Variants in PARP4 observed in about 807,000 individuals in gnomAD.
PARP4 encodes poly(ADP-ribose) polymerase family member 4, also known as protein mono-ADP-ribosyltransferase PARP4.
A neutral mutation model predicts 187.7 loss-of-function variants in PARP4; 120 were observed. That is an observed-to-expected ratio of 0.64 (90% CI 0.55 to 0.74). The LOEUF (loss-of-function observed/expected upper bound fraction) is 0.74. PARP4 is among the 30% of genes least tolerant of loss of function. The pLI, the probability that PARP4 is intolerant of heterozygous loss-of-function variation, is 0.00. For missense variants in PARP4, 1,836 were observed against 2,070.5 expected, an observed-to-expected ratio of 0.89 and a Z score of 2.20; for synonymous variants, 654 against 740.9, an observed-to-expected ratio of 0.88 and a Z score of 1.90.
intron 15 of PARP4, among the ~76,000 whole-genome samples, chr13:24,471,942 G>GT (rs1872743365): frequency 6.6e-6 from 1 of 152,164 alleles, no homozygotes; most frequent in Non-Finnish European, 1.5e-5. Context: ...AAAGAGTTAA[G>GT]TAACTTTCCC....
At chr13:24,487,926 A>AT (rs1868414767) in intron 10 of PARP4, among the ~76,000 whole-genome samples, 1 of 152,194 alleles carries the variant, frequency 6.6e-6, no homozygotes, top group Non-Finnish European at 1.5e-5. Flanking sequence ...ATTTTGAGTG[A>AT]TTTTTAATTT....
chr13:24,500,340 T>A lies in PARP4; in HGVS notation c.377A>T (p.Glu126Val), dbSNP rs1282638303. 1 of 1,602,754 alleles carries A rather than the reference T, an allele frequency of 6.2e-7. No individual in the cohort carries two copies. Among genetic ancestry groups the A allele is most frequent in the South Asian group, 1.1e-5 (1 of 89,900 alleles). The change falls in exon 4 of 34, where the codon GAG (glutamate) becomes GTG (valine). Residue 126 changes from glutamate to valine, a missense_variant. Transcript: ENST00000381989. ...EGLCPDSATE[E>V]EDTVELTEFG... ...CTCAGTGAGTTCCACAGTGTCTTCCTCCTCTGTGGCACTGTCCGGGCATAG... is the reference window on the plus strand; with the variant it reads ...CTCAGTGAGTTCCACAGTGTCTTCCACCTCTGTGGCACTGTCCGGGCATAG...
At chr13:24,470,783 T>C (rs999518167) in intron 15 of PARP4, among the ~76,000 whole-genome samples, 8 of 152,066 alleles carry the variant, frequency 5.3e-5, no homozygotes, top group African/African-American at 9.7e-5. Flanking sequence ...TTTGAAAACA[T>C]TGTCCACACC....
At chr13:24,507,633 G>A (rs866233486) in intron 1 of PARP4, among the ~76,000 whole-genome samples, 15 of 152,162 alleles carry the variant, frequency 9.9e-5, no homozygotes, top group South Asian at 2.1e-4. Context: ...CCATGCCCTC[G>A]CATCCTGACT....
At chr13:24,428,913 TTCTA>T (rs1870194592) in intron 32 of PARP4, among the ~76,000 whole-genome samples, 1 of 152,248 alleles carries the variant, frequency 6.6e-6, no homozygotes, top group African/African-American at 2.4e-5. Flanking sequence ...TCAAATATTT[TTCTA>T]TCTAACCTTT....
chr13:24,508,633 C>G (rs148943036), intron 1 of PARP4, among the ~76,000 whole-genome samples: 3,790 of 152,254 alleles, frequency 0.025, 91 homozygotes, highest in African/African-American at 0.067. Flanking sequence ...CCTGCATCAG[C>G]CTCCCGAGTA....
chr13:24,462,747 T>G (rs569302718), intron 17 of PARP4, among the ~76,000 whole-genome samples: 1 of 152,304 alleles, frequency 6.6e-6, no homozygotes, highest in Non-Finnish European at 1.5e-5. Flanking sequence ...AACAAACACA[T>G]TATCAAAGTT....
At chr13:24,426,073 T>C (rs1234185613) in intron 33 of PARP4, among the ~76,000 whole-genome samples, 1 of 152,210 alleles carries the variant, frequency 6.6e-6, no homozygotes, top group African/African-American at 2.4e-5. Context: ...TACAAAGTTA[T>C]AAACTTTAAA....
At chr13:24,500,184 A>G (rs1869194067) in intron 4 of PARP4, 132 bp downstream of exon 4, 1 of 438,160 alleles carries the variant, frequency 2.3e-6, no homozygotes, top group Non-Finnish European at 4.1e-6. Flanking sequence ...ATAAAAAATC[A>G]CTTGAGTTAG....
intron 8 of PARP4, 72 bp downstream of exon 8, chr13:24,493,524 C>T (rs192479473): frequency 4.0e-5 from 57 of 1,431,822 alleles, no homozygotes; most frequent in Admixed American, 2.1e-4. Flanking sequence ...TGCAAACACA[C>T]GTGTTATTGC....
chr13:24,426,891 CAAAAA>C lies in PARP4; in HGVS notation c.4847-298_4847-294del, dbSNP rs5802279. Among the ~76,000 whole-genome samples the C allele has an allele frequency of 1.4e-3, 133 of 93,580 alleles. 2 individuals are homozygous for C. The highest frequency in any genetic ancestry group is 4.4e-3 in the African/African-American group (117 of 26,420). 61.4% of individuals were successfully genotyped at this position (93,580 alleles called of 152,430 possible). A position where few individuals can be genotyped will look rare whatever the true frequency, so the allele number is the denominator to read the frequency against. ...TGGGCGACAGAGTGAGACTCTGTCTCAAAAAAAAAAAAAAAAAAAAAAAAAAGAAT... is the reference window on the plus strand; with the variant it reads ...TGGGCGACAGAGTGAGACTCTGTCTCAAAAAAAAAAAAAAAAAAAAAGAAT... On this transcript the variant is annotated intron_variant, in intron 32 of 33. Transcript: ENST00000381989.
At position 24,431,373 on chromosome 13, in the gene PARP4, T is replaced by G; in HGVS notation, c.4846+4A>C. On this transcript the variant is annotated splice_donor_region_variant and intron_variant, in intron 32 of 33. Coordinates refer to ENST00000381989, the MANE Select transcript of PARP4 (RefSeq NM_006437.4). ...ACTTAATAAATGGAAACATAGTGCC[T>G]TACCTAGAGATTGAATGCCTTTTTG... 1 of 1,504,498 alleles carries G rather than the reference T, an allele frequency of 6.6e-7. No individual in the cohort carries two copies. The highest frequency in any genetic ancestry group is 9.1e-7 in the Non-Finnish European group (1 of 1,096,970). The allele number at this position is 1,504,498 out of a possible 1,614,324, so 93.2% of individuals were successfully genotyped here.
Position 24,478,214 on chromosome 13 carries a change from T to G in PARP4, c.1511A>C (p.Asp504Ala), listed in dbSNP as rs771457509. ...TDGTRLLLIC[D>A]VALGKCMDLH... is the part of the protein sequence containing the mutation. Reference sequence around the variant, plus strand: ...GTCCATACACTTTCCGAGGGCTACGTCACAAATGAGCAGGAGTCTGGTGCC... The same window carrying G: ...GTCCATACACTTTCCGAGGGCTACGGCACAAATGAGCAGGAGTCTGGTGCC... Residue 504 changes from aspartate to alanine, a missense_variant, in exon 13 of 34, where the codon GAC (aspartate) becomes GCC (alanine). Around this residue, in one of 8 missense-constraint regions of PARP4, gnomAD observed 1,147 missense variants for 1,214.2 expected, o/e 0.94. Transcript: ENST00000381989. 1 of 1,613,606 alleles carries G rather than the reference T, an allele frequency of 6.2e-7. No individual in the cohort carries two copies.
chr13:24,425,680 A>G (rs1682530592), intron 33 of PARP4, among the ~76,000 whole-genome samples: 1 of 151,882 alleles, frequency 6.6e-6, no homozygotes, highest in Non-Finnish European at 1.5e-5. Context: ...GGACAAGAGA[A>G]TATGCCCACC....
At chr13:24,487,660 CTG>C (rs554925063) in intron 10 of PARP4, among the ~76,000 whole-genome samples, 153 of 152,224 alleles carry the variant, frequency 1.0e-3, no homozygotes, top group African/African-American at 3.6e-3. Context: ...CTGAGGGCAG[CTG>C]TGGTGGGAGG....
intron 31 of PARP4, among the ~76,000 whole-genome samples, chr13:24,432,409 A>G (rs1462061370): frequency 6.6e-6 from 1 of 152,192 alleles, no homozygotes; most frequent in African/African-American, 2.4e-5. Flanking sequence ...AAAGTCACCA[A>G]CATTTAACGT....
intron 12 of PARP4, among the ~76,000 whole-genome samples, chr13:24,480,409 T>C (rs1485067801): frequency 6.6e-6 from 1 of 152,206 alleles, no homozygotes; most frequent in African/African-American, 2.4e-5. Context: ...GAAAGGGTTG[T>C]ACATCTTTCA....
Position 24,500,364 on chromosome 13 carries a change from A to T in PARP4, c.353T>A (p.Leu118Gln). 6.2e-7 allele frequency: 1 copy of T among 1,603,156 alleles called. No individual in the cohort carries two copies. The change falls in exon 4 of 34, where the codon CTA becomes CAA. Residue 118 changes from leucine to glutamine, a missense_variant. Leu to Gln is a moderately radical substitution (Grantham distance 113, BLOSUM62 -2). This residue lies in a region of PARP4 where 1,147 missense variants were observed against 1,214.2 expected (regional missense o/e 0.94). Transcript: ENST00000381989. The stretch of plus-strand genomic sequence containing the variant: ...CTCCTCTGTGGCACTGTCCGGGCAT[A>T]GACCTTCTGTTTTCACTTCTAGAAT... Reference protein sequence around the residue: ...ASSSEVKTEGLCPDSATEEED... With the variant: ...ASSSEVKTEGQCPDSATEEED...
At chr13:24,506,331 CA>C (rs1472199544) in intron 1 of PARP4, among the ~76,000 whole-genome samples, 13 of 152,264 alleles carry the variant, frequency 8.5e-5, no homozygotes, top group African/African-American at 3.1e-4. Context: ...AGTGCGGACC[CA>C]AACAGTGAGC....
Sources: allele counts gnomAD v4.1 joint callset (sites outside exome capture counted in the v4.1 genomes callset), GRCh38; gene constraint gnomAD v4.1.1; regional missense constraint gnomAD v4.1.1; transcripts MANE v1.5; gene names NCBI Gene and HGNC (gene_info 2026-07-23, HGNC 2026-07-21).